The following ZNF532 variants were observed in gnomAD, a reference collection of about 807,000 sequenced individuals.
ZNF532 encodes the protein zinc finger protein 532.
A neutral mutation model predicts 89.3 loss-of-function variants in ZNF532; 22 were observed. The observed-to-expected ratio is 0.25, with a 90% CI of 0.18 to 0.35. The LOEUF is 0.35. Ranked by LOEUF, ZNF532 falls within the 10% of genes least tolerant of loss-of-function variation. ZNF532 has a pLI of 1.00. For synonymous variants in ZNF532, 606 were observed against 649.6 expected (o/e 0.93, Z 1.02); for missense variants, 1,132 against 1,643.4 (o/e 0.69, Z 5.38).
chr18:58,877,741 T>C (rs1003698764), intron 2 of ZNF532, among the ~76,000 whole-genome samples: 1 of 152,146 alleles, frequency 6.6e-6, no homozygotes, highest in Non-Finnish European at 1.5e-5. Context: ...GTGTGGCCCT[T>C]ATGGAATCAC....
chr18:58,897,991 A>G (rs2059358746), intron 2 of ZNF532, among the ~76,000 whole-genome samples: 1 of 152,210 alleles, frequency 6.6e-6, no homozygotes, highest in Admixed American at 6.5e-5. Flanking sequence ...AAATGAATAA[A>G]GATTATTACT....
At chr18:58,954,844 C>G (rs2064602464) in intron 7 of ZNF532, among the ~76,000 whole-genome samples, 1 of 151,748 alleles carries the variant, frequency 6.6e-6, no homozygotes, top group Middle Eastern at 3.4e-3. Flanking sequence ...TCCCAAGTAG[C>G]TGGGATTACA....
At chr18:58,901,471 G>A (rs559390265) in intron 2 of ZNF532, among the ~76,000 whole-genome samples, 33 of 152,292 alleles carry the variant, frequency 2.2e-4, no homozygotes, top group African/African-American at 7.7e-4. Context: ...TATCTTCTTG[G>A]TTCAGAAGTA....
At chr18:58,962,783 A>G (rs975475857) in intron 7 of ZNF532, among the ~76,000 whole-genome samples, 8 of 152,058 alleles carry the variant, frequency 5.3e-5, no homozygotes, top group Non-Finnish European at 8.8e-5. Flanking sequence ...TTGTATTTTT[A>G]GTAGAGACGG....
intron 2 of ZNF532, among the ~76,000 whole-genome samples, chr18:58,881,863 T>C (rs41420450): frequency 0.2 from 30,638 of 152,254 alleles, 5,424 homozygotes; most frequent in East Asian, 0.58. Context: ...ATTCATTGTT[T>C]TTCCTTTACA....
chr18:58,886,784 T>G (rs911572885), intron 2 of ZNF532, among the ~76,000 whole-genome samples: 1 of 152,242 alleles, frequency 6.6e-6, no homozygotes, highest in Non-Finnish European at 1.5e-5. Flanking sequence ...CTGAGATCAA[T>G]GACATGTCAT....
chr18:58,898,439 A>G (rs1289578681), intron 2 of ZNF532, among the ~76,000 whole-genome samples: 4 of 152,254 alleles, frequency 2.6e-5, no homozygotes, highest in Non-Finnish European at 5.9e-5. Flanking sequence ...TATATATGAT[A>G]TGCCTAAATA....
In ZNF532 at chr18:58,865,122, T is replaced by A. The variant is rs567770083; in HGVS notation, c.-391T>A. 6.6e-6 allele frequency: 1 copy of A among 152,214 alleles called. No homozygotes were observed. The highest frequency in any genetic ancestry group is 2.1e-4 in the South Asian group (1 of 4,800). 9.4% of individuals were successfully genotyped at this position (152,214 alleles called of 1,614,324 possible). A position where few individuals can be genotyped will look rare whatever the true frequency, so the allele number is the denominator to read the frequency against. ...TAAGGGATGGACAAGGAGCTGAGAT[T>A]TATGACCCTTATTAGAGAAAAAAAT... On this transcript the variant is annotated 5_prime_UTR_variant, in exon 1 of 10. Transcript: ENST00000591808.
intron 7 of ZNF532, among the ~76,000 whole-genome samples, chr18:58,968,402 G>A (rs1463766493): frequency 6.6e-6 from 1 of 152,236 alleles, no homozygotes; most frequent in Non-Finnish European, 1.5e-5. Flanking sequence ...GCCCATGGCT[G>A]CAGCGAGTCT....
At chr18:58,886,070 A>G (rs547330798) in intron 2 of ZNF532, among the ~76,000 whole-genome samples, 4 of 152,012 alleles carry the variant, frequency 2.6e-5, no homozygotes, top group African/African-American at 7.2e-5. Flanking sequence ...TCCGCCTCCC[A>G]GGTTCAAGCA....
At chr18:58,862,965 CACTA>C (rs1282633514), upstream of ZNF532, 1 of 152,218 alleles carries the variant, frequency 6.6e-6, no homozygotes. Flanking sequence ...GGCTCCAAAC[CACTA>C]ACTAACCAGA....
chr18:58,928,693 C>G lies in ZNF532; in HGVS notation c.2347-5740C>G, dbSNP rs563414757. Among the ~76,000 whole-genome samples, 3 of 152,262 alleles carry G rather than the reference C, an allele frequency of 2.0e-5. No individual in the cohort carries two copies. The East Asian group carries it at 5.8e-4, about 29-fold the overall frequency. On this transcript the variant is annotated intron_variant, in intron 3 of 9. Coordinates refer to ENST00000591808, the MANE Select transcript of ZNF532 (RefSeq NM_001375912.1). ...ACCTTCCAGGGAGCATGGAATCAAGCAGTAAATAAAAACAGTTCTGAGCAG... is the reference window on the plus strand; with the variant it reads ...ACCTTCCAGGGAGCATGGAATCAAGGAGTAAATAAAAACAGTTCTGAGCAG...
At chr18:58,901,207 G>A (rs1011119135) in intron 2 of ZNF532, among the ~76,000 whole-genome samples, 5 of 152,136 alleles carry the variant, frequency 3.3e-5, no homozygotes, top group East Asian at 1.9e-4. Flanking sequence ...GGAGCTGGGC[G>A]TTGTGAAGCC....
At chr18:58,959,046 A>G (rs1166404193) in intron 7 of ZNF532, among the ~76,000 whole-genome samples, 2 of 152,206 alleles carry the variant, frequency 1.3e-5, no homozygotes, top group Non-Finnish European at 2.9e-5. Flanking sequence ...ATTAAAAAGA[A>G]GTTACATGTT....
At chr18:58,977,093 G>T (rs189058744) in intron 7 of ZNF532, among the ~76,000 whole-genome samples, 1 of 152,252 alleles carries the variant, frequency 6.6e-6, no homozygotes, top group East Asian at 1.9e-4. Flanking sequence ...TTCCCCCAGA[G>T]ATGAACAGCA....
intron 5 of ZNF532, among the ~76,000 whole-genome samples, chr18:58,945,737 T>A (rs1450062375): frequency 2.0e-5 from 3 of 151,786 alleles, no homozygotes; most frequent in African/African-American, 2.4e-5. Flanking sequence ...ATTTATTTTT[T>A]TTTTTTTTTG....
chr18:58,875,552 C>A (rs1048824372), intron 2 of ZNF532, among the ~76,000 whole-genome samples: 23 of 152,202 alleles, frequency 1.5e-4, no homozygotes, highest in Admixed American at 5.2e-4. Flanking sequence ...GTTCCTAATT[C>A]ACCTGTCTCC....
intron 2 of ZNF532, among the ~76,000 whole-genome samples, chr18:58,915,682 G>T (rs1199801480): frequency 6.6e-6 from 1 of 152,186 alleles, no homozygotes; most frequent in African/African-American, 2.4e-5. Flanking sequence ...AGCAGAAAAA[G>T]GTGAGAAGAG....
upstream of ZNF532, chr18:58,863,676 G>C (rs1198749716): frequency 6.5e-6 from 1 of 153,212 alleles, no homozygotes; most frequent in Non-Finnish European, 1.5e-5. Context: ...GCGGCGCCGC[G>C]CTGAACAAAG....
Sources: gnomAD v4.1 joint callset for allele counts (sites outside exome capture counted in the v4.1 genomes callset) on GRCh38, gnomAD v4.1.1 for gene constraint, MANE v1.5 for transcripts, NCBI Gene and HGNC (gene_info 2026-07-23, HGNC 2026-07-21) for gene names.